Variants in DNM3 observed in about 807,000 individuals in gnomAD.
The protein encoded by DNM3 is dynamin-3.
In DNM3, 47 loss-of-function variants were observed where a neutral mutation model predicts 101.6. That is an observed-to-expected ratio of 0.46 (90% CI 0.37 to 0.59). The LOEUF (loss-of-function observed/expected upper bound fraction) is 0.59, where lower values mean the gene tolerates loss of function less well. Ranked by LOEUF, DNM3 falls within the 20% of genes least tolerant of loss-of-function variation. DNM3 has a pLI of 0.00. For missense variants in DNM3, 849 were observed against 1,085.7 expected (o/e 0.78, Z 3.06); for synonymous variants, 385 against 387.9 (o/e 0.99, Z 0.09).
At chr1:172,400,995 T>C (rs1033485681) in intron 20 of DNM3, among the ~76,000 whole-genome samples, 32 of 152,206 alleles carry the variant, frequency 2.1e-4, no homozygotes, top group African/African-American at 7.5e-4. Flanking sequence ...ATAATCCTAC[T>C]GTGGTCATAG....
At chr1:172,267,865 A>G (rs2062928588) in intron 15 of DNM3, among the ~76,000 whole-genome samples, 1 of 152,074 alleles carries the variant, frequency 6.6e-6, no homozygotes, top group African/African-American at 2.4e-5. Context: ...GGCACCCGCC[A>G]CCAAGCCCAG....
intron 15 of DNM3, among the ~76,000 whole-genome samples, chr1:172,255,375 G>C (rs1238001088): frequency 6.6e-6 from 1 of 152,116 alleles, no homozygotes; most frequent in Non-Finnish European, 1.5e-5. Flanking sequence ...GCAATCATCA[G>C]AGGTGTGCTC....
chr1:172,074,244 G>C (rs1188002739), intron 11 of DNM3, among the ~76,000 whole-genome samples: 4 of 152,144 alleles, frequency 2.6e-5, no homozygotes, highest in Non-Finnish European at 5.9e-5. Context: ...CAGAGTGCTA[G>C]TTTAAATAGA....
intron 8 of DNM3, 43 bp downstream of exon 8, chr1:172,042,187 C>T (rs900815628): frequency 1.3e-6 from 2 of 1,542,632 alleles, no homozygotes; most frequent in African/African-American, 2.8e-5. Context: ...CACTTCACTT[C>T]CATATTCTGT....
chr1:172,383,361 T>C (rs1370624051), intron 18 of DNM3, among the ~76,000 whole-genome samples: 1 of 152,168 alleles, frequency 6.6e-6, no homozygotes, highest in African/African-American at 2.4e-5. Flanking sequence ...ACTTCCTTGG[T>C]CTTTAGCAGA....
intron 4 of DNM3, among the ~76,000 whole-genome samples, chr1:172,011,776 G>C (rs1459486763): frequency 6.6e-6 from 1 of 151,964 alleles, no homozygotes; most frequent in Non-Finnish European, 1.5e-5. Context: ...AAAACCAATA[G>C]ATCCAAATTT....
chr1:172,126,653 T>A (rs1420604649), intron 13 of DNM3, among the ~76,000 whole-genome samples: 4 of 152,170 alleles, frequency 2.6e-5, no homozygotes, highest in Non-Finnish European at 5.9e-5. Context: ...TCAGGCAATT[T>A]ATTTAGCATC....
chr1:172,284,457 T>C (rs2063618305), intron 15 of DNM3, among the ~76,000 whole-genome samples: 1 of 152,218 alleles, frequency 6.6e-6, no homozygotes, highest in Admixed American at 6.5e-5. Context: ...ATCCTTTTTT[T>C]TCTCTCTGTA....
intron 8 of DNM3, among the ~76,000 whole-genome samples, chr1:172,044,094 T>C (rs978639432): frequency 3.9e-5 from 6 of 152,176 alleles, no homozygotes; most frequent in Admixed American, 1.3e-4. Flanking sequence ...TGAAGAATTA[T>C]ACATTTCAAA....
intron 18 of DNM3, among the ~76,000 whole-genome samples, chr1:172,379,525 T>C (rs904366377): frequency 6.6e-6 from 1 of 152,050 alleles, no homozygotes; most frequent in African/African-American, 2.4e-5. Flanking sequence ...GCTCCTAGAC[T>C]TTGAGACTAA....
At chr1:171,972,033 T>G (rs2044031255) in intron 2 of DNM3, among the ~76,000 whole-genome samples, 2 of 152,224 alleles carry the variant, frequency 1.3e-5, no homozygotes, top group Non-Finnish European at 2.9e-5. Flanking sequence ...GACCTCATAG[T>G]CTTTGAAAAA....
At chr1:172,339,023 T>C (rs753624825) in intron 17 of DNM3, 17 of 478,804 alleles carry the variant, frequency 3.6e-5, no homozygotes, top group Admixed American at 2.4e-4. Flanking sequence ...GATCATGATG[T>C]TCATTGACAT....
chr1:171,872,201 T>G (rs2035359635), intron 1 of DNM3, among the ~76,000 whole-genome samples: 1 of 152,226 alleles, frequency 6.6e-6, no homozygotes, highest in Non-Finnish European at 1.5e-5. Flanking sequence ...AAGAGTGTAC[T>G]TCTTTATAAC....
At chr1:171,993,252 G>C (rs1571993742) in intron 4 of DNM3, among the ~76,000 whole-genome samples, 1 of 152,064 alleles carries the variant, frequency 6.6e-6, no homozygotes, top group East Asian at 1.9e-4. Flanking sequence ...TGCCTGAAAG[G>C]CTCTCATTAG....
chr1:171,887,256 A>C (rs946875233), intron 1 of DNM3, among the ~76,000 whole-genome samples: 1 of 152,218 alleles, frequency 6.6e-6, no homozygotes, highest in East Asian at 1.9e-4. Flanking sequence ...AAAAGTAAGG[A>C]TATTGAGGTG....
At chr1:172,072,056 A>G (rs1477818099) in intron 11 of DNM3, among the ~76,000 whole-genome samples, 1 of 152,158 alleles carries the variant, frequency 6.6e-6, no homozygotes, top group Non-Finnish European at 1.5e-5. Context: ...TGAACGTCCA[A>G]AAGCTATTCA....
intron 15 of DNM3, among the ~76,000 whole-genome samples, chr1:172,302,743 G>A (rs1399146566): frequency 6.6e-6 from 1 of 152,138 alleles, no homozygotes; most frequent in Non-Finnish European, 1.5e-5. Flanking sequence ...AACAGGGTCT[G>A]GAGTGGACCT....
intron 1 of DNM3, among the ~76,000 whole-genome samples, chr1:171,900,299 G>T (rs950656112): frequency 1.3e-5 from 2 of 152,148 alleles, no homozygotes; most frequent in African/African-American, 4.8e-5. Flanking sequence ...TCAGAAGAGA[G>T]ATTGGGGCTG....
At chr1:172,261,937 C>T (rs996486604) in intron 15 of DNM3, among the ~76,000 whole-genome samples, 2 of 152,130 alleles carry the variant, frequency 1.3e-5, no homozygotes, top group Admixed American at 6.5e-5. Flanking sequence ...AAGTGATGCC[C>T]GTGTCCCTGG....
Sources: allele counts gnomAD v4.1 joint callset (sites outside exome capture counted in the v4.1 genomes callset), GRCh38; gene constraint gnomAD v4.1.1; transcripts MANE v1.5; gene names NCBI Gene and HGNC (gene_info 2026-07-23, HGNC 2026-07-21).